The following DNAH9 variants were observed in gnomAD, a reference collection of about 807,000 sequenced individuals.
DNAH9 encodes the protein DNAH9 variant protein.
A neutral mutation model predicts 471.6 loss-of-function variants in DNAH9; 345 were observed. That is an observed-to-expected ratio of 0.73 (90% CI 0.67 to 0.80). The LOEUF is 0.80. Ranked by LOEUF, DNAH9 falls within the 30% of genes least tolerant of loss-of-function variation. The pLI is 0.00. For synonymous variants in DNAH9, 2,093 were observed against 2,123.6 expected (o/e 0.99, Z 0.40); for missense variants, 5,407 against 5,609.2 (o/e 0.96, Z 1.15).
chr17:11,868,240 G>A (rs534451574), intron 50 of DNAH9, among the ~76,000 whole-genome samples: 15 of 152,296 alleles, frequency 9.8e-5, no homozygotes, highest in Admixed American at 3.3e-4. Context: ...TCCTTAATTG[G>A]ATGGCCCACC....
chr17:11,778,626 T>C (rs1968555336), intron 38 of DNAH9, among the ~76,000 whole-genome samples: 1 of 151,852 alleles, frequency 6.6e-6, no homozygotes, highest in Non-Finnish European at 1.5e-5. Flanking sequence ...TTTGGGAAGA[T>C]GTGTAGTTAC....
intron 13 of DNAH9, among the ~76,000 whole-genome samples, chr17:11,652,303 T>TTTTG (rs1244404705): frequency 6.8e-6 from 1 of 146,112 alleles, no homozygotes; most frequent in African/African-American, 2.5e-5. Flanking sequence ...TTTTTTTTTT[T>TTTTG]GAGACAGAGT....
At chr17:11,929,770 C>A in intron 62 of DNAH9, 96 bp from the exon 63 acceptor site, 1 of 996,894 alleles carries the variant, frequency 1.0e-6, no homozygotes, top group Non-Finnish European at 1.5e-6. Flanking sequence ...GATGCTAAGA[C>A]CAGTCCCCCC....
chr17:11,646,073 GT>G (rs1332063390), intron 11 of DNAH9, among the ~76,000 whole-genome samples: 1 of 151,800 alleles, frequency 6.6e-6, no homozygotes, highest in Non-Finnish European at 1.5e-5. Context: ...TAGAGACAGG[GT>G]TTTACCGTGT....
At chr17:11,663,911 A>T (rs1219375584) in intron 14 of DNAH9, among the ~76,000 whole-genome samples, 1 of 152,230 alleles carries the variant, frequency 6.6e-6, no homozygotes, top group Admixed American at 6.5e-5. Flanking sequence ...AGAAAGGTGT[A>T]GGTATTGCAT....
Position 11,617,397 on chromosome 17 carries a change from C to A in DNAH9, c.905-14C>A. On this transcript the variant is annotated splice_polypyrimidine_tract_variant and intron_variant, in intron 4 of 68. Transcript: ENST00000262442. ...CTCCAGATGGGAATGCTGACCATCTCCAATTCCTTCCAGCTCTAGCAGAGG... is the reference window on the plus strand; with the variant it reads ...CTCCAGATGGGAATGCTGACCATCTACAATTCCTTCCAGCTCTAGCAGAGG... 1 of 1,603,656 alleles carries A rather than the reference C, an allele frequency of 6.2e-7. No homozygotes were observed. The highest frequency in any genetic ancestry group is 1.1e-5 in the South Asian group (1 of 90,598).
chr17:11,726,583 T>G (rs2075156545), intron 27 of DNAH9, among the ~76,000 whole-genome samples: 1 of 152,188 alleles, frequency 6.6e-6, no homozygotes, highest in African/African-American at 2.4e-5. Context: ...TCTGACCCTC[T>G]CTTCTGTGAA....
chr17:11,739,078 A>G, intron 29 of DNAH9, 41 bp downstream of exon 29: 1 of 1,504,832 alleles, frequency 6.6e-7, no homozygotes, highest in Non-Finnish European at 8.9e-7. Context: ...CCCAAAAGAG[A>G]AGTTTCTTTC....
chr17:11,717,797 C>A (rs1354947258), intron 26 of DNAH9, among the ~76,000 whole-genome samples: 1 of 152,156 alleles, frequency 6.6e-6, no homozygotes, highest in Non-Finnish European at 1.5e-5. Flanking sequence ...TTCTCTCACT[C>A]CAAACCTCAG....
intron 43 of DNAH9, among the ~76,000 whole-genome samples, chr17:11,804,172 CTGATA>C (rs1435631214): frequency 9.2e-5 from 14 of 152,110 alleles, no homozygotes; most frequent in African/African-American, 3.4e-4. Context: ...GTAAATCTAT[CTGATA>C]TAAGACAGTA....
chr17:11,680,547 A>G (rs191060597), intron 18 of DNAH9, among the ~76,000 whole-genome samples, 176 bp from the exon 19 acceptor site: 54 of 152,306 alleles, frequency 3.5e-4, no homozygotes, highest in Non-Finnish European at 5.0e-4. Context: ...CAGCTGCGGA[A>G]GGAAGTCGAG....
At chr17:11,752,148 A>G (rs1967181553) in intron 32 of DNAH9, among the ~76,000 whole-genome samples, 1 of 152,246 alleles carries the variant, frequency 6.6e-6, no homozygotes. Flanking sequence ...TATCATAAAA[A>G]TCAATTCTGC....
At chr17:11,682,011 T>G (rs557295909) in intron 19 of DNAH9, among the ~76,000 whole-genome samples, 1 of 152,312 alleles carries the variant, frequency 6.6e-6, no homozygotes, top group South Asian at 2.1e-4. Flanking sequence ...TGAAAGTGTG[T>G]AGCACTGTGT....
At chr17:11,782,077 A>G (rs1968694302) in intron 39 of DNAH9, among the ~76,000 whole-genome samples, 1 of 151,914 alleles carries the variant, frequency 6.6e-6, no homozygotes, top group Non-Finnish European at 1.5e-5. Context: ...AGAAAGAGTG[A>G]GAAGAGAGAA....
intron 6 of DNAH9, among the ~76,000 whole-genome samples, chr17:11,625,054 C>A (rs962327018): frequency 2.7e-5 from 4 of 148,084 alleles, no homozygotes; most frequent in Non-Finnish European, 5.9e-5. Context: ...TTTCATCCTG[C>A]CTTCCTGCTT....
chr17:11,714,104 A>G (rs1389502274), intron 26 of DNAH9, among the ~76,000 whole-genome samples: 1 of 152,220 alleles, frequency 6.6e-6, no homozygotes, highest in African/African-American at 2.4e-5. Context: ...TCAAAGTTTA[A>G]ATATTAAAGC....
Position 11,689,806 on chromosome 17 carries a change from C to T in DNAH9, c.3984C>T (p.Asn1328=), listed in dbSNP as rs193103626. Reference sequence around the variant, plus strand: ...AGACCACACCCTGGAGGAATATCAACGTGGAAGCCATGGAGTTGGAGTGCA... The same window carrying T: ...AGACCACACCCTGGAGGAATATCAATGTGGAAGCCATGGAGTTGGAGTGCA... ...AWETTPWRNI[N]VEAMELECKQ... is the part of the protein sequence containing the mutation. Residue 1328 remains asparagine (N), a synonymous_variant, in exon 20 of 69, where the codon AAC becomes AAT. Transcript: ENST00000262442. 31 of 1,614,094 alleles carry T rather than the reference C, an allele frequency of 1.9e-5. No homozygotes were observed. The highest frequency in any genetic ancestry group is 1.7e-4 in the Admixed American group (10 of 59,994).
At chr17:11,956,212 C>A in intron 67 of DNAH9, among the ~76,000 whole-genome samples, 1 of 151,776 alleles carries the variant, frequency 6.6e-6, no homozygotes, top group South Asian at 2.1e-4. Flanking sequence ...AAAAATCAAA[C>A]TAACTATATT....
intron 15 of DNAH9, 89 bp downstream of exon 15, chr17:11,665,057 C>G (rs562018017): frequency 1.6e-6 from 2 of 1,222,332 alleles, no homozygotes; most frequent in Non-Finnish European, 2.3e-6. Flanking sequence ...GCTGAGTGCT[C>G]TGTGACTTTT....
Sources: gnomAD v4.1 joint callset for allele counts (sites outside exome capture counted in the v4.1 genomes callset) on GRCh38, gnomAD v4.1.1 for gene constraint, MANE v1.5 for transcripts, NCBI Gene and HGNC (gene_info 2026-07-23, HGNC 2026-07-21) for gene names.